The following WASHC4 variants were observed in gnomAD, a reference collection of about 807,000 sequenced individuals.
The protein encoded by WASHC4 is WASH complex subunit 7.
WASHC4 carries 86 observed loss-of-function variants against 166.6 expected under a neutral mutation model. The ratio of observed to expected loss-of-function variants is 0.52; its 90% CI spans 0.43 to 0.62. The LOEUF (loss-of-function observed/expected upper bound fraction) is 0.62, where lower values mean the gene tolerates loss of function less well. Among genes scored for constraint, WASHC4 ranks in the 20% least tolerant of loss-of-function variants. The pLI is 0.00. For missense variants in WASHC4, 1,262 were observed against 1,382.4 expected (o/e 0.91, Z 1.38); for synonymous variants, 446 against 451.6 (o/e 0.99, Z 0.16).
intron 10 of WASHC4, among the ~76,000 whole-genome samples, chr12:105,123,337 TA>T (rs1880965543): frequency 6.6e-6 from 1 of 151,982 alleles, no homozygotes; most frequent in Non-Finnish European, 1.5e-5. Flanking sequence ...AAAGCAGAGA[TA>T]GGCTGAAAGT....
intron 2 of WASHC4, among the ~76,000 whole-genome samples, chr12:105,111,690 G>C (rs2135718536): frequency 6.6e-6 from 1 of 152,148 alleles, no homozygotes; most frequent in East Asian, 1.9e-4. Context: ...TTTCTGAAAA[G>C]TTCTCTCATG....
intron 29 of WASHC4, 114 bp from the exon 30 acceptor site, chr12:105,162,630 GATTCT>G (rs3040271): frequency 0.19 from 120,908 of 641,274 alleles, 12,049 homozygotes; most frequent in Admixed American, 0.23. Flanking sequence ...CAGGAATCTA[GATTCT>G]ATTCTATTCT....
intron 2 of WASHC4, among the ~76,000 whole-genome samples, chr12:105,112,271 A>G (rs574430286): frequency 1.3e-5 from 2 of 152,312 alleles, no homozygotes; most frequent in East Asian, 3.9e-4. Context: ...ATTGTAAGGA[A>G]TGGATAACCA....
At chr12:105,133,331 A>T (rs545394239) in intron 13 of WASHC4, among the ~76,000 whole-genome samples, 1 of 152,302 alleles carries the variant, frequency 6.6e-6, no homozygotes, top group South Asian at 2.1e-4. Context: ...CATCTGCTTC[A>T]AACTTTGGCT....
At chr12:105,148,216 CA>C in intron 24 of WASHC4, 1 of 985,096 alleles carries the variant, frequency 1.0e-6, no homozygotes. Flanking sequence ...GTGGGGTTAT[CA>C]ATATAGAAAT....
chr12:105,151,958 C>T lies in WASHC4; in HGVS notation c.2650-385C>T, dbSNP rs112601483. On this transcript the variant is annotated intron_variant, in intron 25 of 32. Transcript: ENST00000332180. The stretch of plus-strand genomic sequence containing the variant: ...TTACTAGAAATTTTAACCCAGCTGA[C>T]GTGTGTTCATTGAGAAGGAGTATGT... Among the ~76,000 whole-genome samples, 591 of 152,232 alleles carry T rather than the reference C, an allele frequency of 3.9e-3. 4 individuals carry two copies. The highest frequency in any genetic ancestry group is 0.014 in the African/African-American group (561 of 41,552).
At chr12:105,137,088 A>G (rs1882394294) in intron 14 of WASHC4, among the ~76,000 whole-genome samples, 1 of 152,232 alleles carries the variant, frequency 6.6e-6, no homozygotes, top group Non-Finnish European at 1.5e-5. Context: ...GGAACTTTAT[A>G]GACCCAAAGA....
intron 20 of WASHC4, 119 bp from the exon 21 acceptor site, chr12:105,144,166 ATT>A: frequency 1.3e-6 from 1 of 747,728 alleles, no homozygotes; most frequent in African/African-American, 1.8e-5. Flanking sequence ...AAGACTTAGA[ATT>A]TATGTAACTG....
rs781662716 is a variant in WASHC4 at position 105,164,173 on chromosome 12, C to T, written c.3220C>T (p.Gln1074Ter). The change falls in exon 31 of 33, where the codon CAG (glutamine) becomes TAG (stop). Residue 1074 changes from glutamine (Q) to a stop codon, truncating the protein, a stop_gained. Coordinates refer to ENST00000332180, the MANE Select transcript of WASHC4 (RefSeq NM_015275.3). LOFTEE classifies it high-confidence loss of function. ...GGAGTTTGATTCACTTCACTGGTTC[C>T]AGTCTGTTAGAGAGAAATACCTGAA... ...YREFDSLHWF[Q>*]SVREKYLKEI... 105 of 1,613,966 alleles carry T rather than the reference C, an allele frequency of 6.5e-5. No homozygotes were observed. The Admixed American group carries it at 1.6e-3, about 25-fold the overall frequency.
chr12:105,167,653 T>G lies in WASHC4; in HGVS notation c.*722T>G, dbSNP rs1278945234. 6.6e-6 allele frequency: 1 copy of G among 152,618 alleles called. No individual in the cohort carries two copies. Among genetic ancestry groups the G allele is most frequent in the East Asian group, 1.9e-4 (1 of 5,202 alleles). The allele number at this position is 152,618 out of a possible 1,614,324, so 9.5% of individuals were successfully genotyped here. A position where few individuals can be genotyped will look rare whatever the true frequency, so the allele number is the denominator to read the frequency against. ...TTCAGATAAAGCCATAGAGTCCTGT[T>G]TGAAGCTTCACTTCTATTTTGGTTG... is the stretch of plus-strand genomic sequence containing the variant. On this transcript the variant is annotated 3_prime_UTR_variant, in exon 33 of 33. Transcript: ENST00000332180.
intron 1 of WASHC4, 83 bp from the exon 2 acceptor site, chr12:105,111,042 G>T (rs374922043): frequency 1.0e-6 from 1 of 1,000,232 alleles, no homozygotes; most frequent in Non-Finnish European, 1.6e-6. Context: ...AGTGCTTTGC[G>T]TGACTTTTGA....
chr12:105,152,491 C>A, intron 26 of WASHC4, 40 bp downstream of exon 26: 2 of 1,056,868 alleles, frequency 1.9e-6, no homozygotes, highest in Non-Finnish European at 1.5e-6. Flanking sequence ...AGGTACAGAT[C>A]CCTACAGTCT....
At chr12:105,159,447 G>C (rs1250301921) in intron 28 of WASHC4, among the ~76,000 whole-genome samples, 1 of 152,190 alleles carries the variant, frequency 6.6e-6, no homozygotes, top group East Asian at 1.9e-4. Context: ...GATGTCTGCT[G>C]TTAGGAAGAA....
chr12:105,164,058 A>AT (rs1446107730), intron 30 of WASHC4, 53 bp from the exon 31 acceptor site: 131 of 1,475,098 alleles, frequency 8.9e-5, no homozygotes, highest in Admixed American at 2.5e-4. Flanking sequence ...AAGGAGTAGA[A>AT]TACCACTTCT....
intron 14 of WASHC4, among the ~76,000 whole-genome samples, chr12:105,135,865 C>T (rs1434530525): frequency 6.6e-6 from 1 of 152,052 alleles, no homozygotes. Context: ...TTTGTCTTAT[C>T]TGTTGTTTCT....
intron 14 of WASHC4, among the ~76,000 whole-genome samples, chr12:105,137,016 C>G (rs1882387694): frequency 6.6e-6 from 1 of 152,120 alleles, no homozygotes; most frequent in African/African-American, 2.4e-5. Context: ...GCCCCACCTC[C>G]ATAATGTATC....
At chr12:105,133,735 CT>C in intron 13 of WASHC4, 34 bp from the exon 14 acceptor site, 1 of 1,595,518 alleles carries the variant, frequency 6.3e-7, no homozygotes, top group Non-Finnish European at 8.6e-7. Context: ...AGTAAATTTT[CT>C]TTGCTGAGTA....
Position 105,157,342 on chromosome 12 carries a change from A to T in WASHC4, c.2912+20A>T, listed in dbSNP as rs759455536. On this transcript the variant is annotated intron_variant, in intron 28 of 32. Coordinates refer to ENST00000332180, the MANE Select transcript of WASHC4 (RefSeq NM_015275.3). ...AGCAAGGTAATCTAAATTTGGAAAT[A>T]TAAAAAAGTGTGTTTATAAAAAACA... The T allele has an allele frequency of 8.8e-6, 12 of 1,364,086 alleles. No individual in the cohort carries two copies. The highest frequency in any genetic ancestry group is 1.4e-5 in the African/African-American group (1 of 70,176). 84.5% of individuals were successfully genotyped at this position (1,364,086 alleles called of 1,614,324 possible).
chr12:105,131,884 T>C, intron 13 of WASHC4, among the ~76,000 whole-genome samples: 1 of 152,232 alleles, frequency 6.6e-6, no homozygotes. Flanking sequence ...GGGTTTCACC[T>C]CCCTGAGTCA....
Sources: gnomAD v4.1 joint callset for allele counts (sites outside exome capture counted in the v4.1 genomes callset) on GRCh38, gnomAD v4.1.1 for gene constraint, MANE v1.5 for transcripts, NCBI Gene and HGNC (gene_info 2026-07-23, HGNC 2026-07-21) for gene names.